Variants in EVL observed in about 807,000 individuals in gnomAD.
EVL encodes Enah/Vasp-like.
In EVL, 21 loss-of-function variants were observed where a neutral mutation model predicts 59.6. The ratio of observed to expected loss-of-function variants is 0.35; its 90% CI spans 0.25 to 0.51. The LOEUF (loss-of-function observed/expected upper bound fraction) is 0.51, where lower values mean the gene tolerates loss of function less well. Ranked by LOEUF, EVL falls within the 20% of genes least tolerant of loss-of-function variation. The pLI, the probability that EVL is intolerant of heterozygous loss-of-function variation, is 0.97. For synonymous variants in EVL, 198 were observed against 203.5 expected (o/e 0.97, Z 0.23); for missense variants, 462 against 546.6 (o/e 0.85, Z 1.54).
chr14:100,143,671 G>T, intron 13 of EVL, 30 bp from the exon 14 acceptor site: 1 of 1,608,868 alleles, frequency 6.2e-7, no homozygotes, highest in Non-Finnish European at 8.5e-7. Context: ...GGTCATGGCT[G>T]CACCTGAGCC....
At chr14:100,057,430 C>T (rs1163289822) in intron 1 of EVL, among the ~76,000 whole-genome samples, 1 of 152,102 alleles carries the variant, frequency 6.6e-6, no homozygotes, top group East Asian at 1.9e-4. Flanking sequence ...TTTCCAGATG[C>T]TGTAACTCTG....
At chr14:100,080,623 C>T (rs1379518561) in intron 1 of EVL, among the ~76,000 whole-genome samples, 1 of 152,198 alleles carries the variant, frequency 6.6e-6, no homozygotes, top group Non-Finnish European at 1.5e-5. Context: ...ATGGGCCCCA[C>T]AAATACATGT....
chr14:100,079,849 G>A (rs1246069128), intron 1 of EVL, among the ~76,000 whole-genome samples: 1 of 152,122 alleles, frequency 6.6e-6, no homozygotes, highest in Non-Finnish European at 1.5e-5. Context: ...GTGACAGCCC[G>A]AGATTGACTT....
intron 4 of EVL, among the ~76,000 whole-genome samples, chr14:100,125,080 CCACA>C (rs1268611521): frequency 7.2e-6 from 1 of 139,740 alleles, no homozygotes; most frequent in Non-Finnish European, 1.5e-5. Context: ...CACGGTGGGA[CCACA>C]CACAGACACA....
chr14:100,123,509 C>A, intron 3 of EVL, 30 bp from the exon 4 acceptor site: 1 of 1,612,664 alleles, frequency 6.2e-7, no homozygotes, highest in South Asian at 1.1e-5. Flanking sequence ...TTCCTCTAAC[C>A]ACACTGTTTC....
At chr14:100,059,231 G>A (rs1566989802) in intron 1 of EVL, among the ~76,000 whole-genome samples, 2 of 152,188 alleles carry the variant, frequency 1.3e-5, no homozygotes, top group South Asian at 4.1e-4. Flanking sequence ...TTCAGACATT[G>A]GACAGATAAG....
chr14:99,974,740 C>T (rs1310476952), intron 1 of EVL: 1 of 152,342 alleles, frequency 6.6e-6, no homozygotes, highest in Non-Finnish European at 1.5e-5. Flanking sequence ...GATGATGACT[C>T]CTTGGATGGT....
At chr14:100,002,037 T>C (rs1227112650) in intron 1 of EVL, among the ~76,000 whole-genome samples, 1 of 152,218 alleles carries the variant, frequency 6.6e-6, no homozygotes, top group Admixed American at 6.5e-5. Flanking sequence ...CATAGGAGTA[T>C]ACCTAGTTTC....
intron 2 of EVL, among the ~76,000 whole-genome samples, chr14:100,094,286 T>C (rs984559549): frequency 6.6e-6 from 1 of 152,150 alleles, no homozygotes; most frequent in Non-Finnish European, 1.5e-5. Context: ...GCCCCTTCAG[T>C]GGTTGTCTGC....
At chr14:100,003,343 A>G (rs2060957786) in intron 1 of EVL, among the ~76,000 whole-genome samples, 1 of 152,226 alleles carries the variant, frequency 6.6e-6, no homozygotes, top group African/African-American at 2.4e-5. Context: ...CCTGTAACTC[A>G]GTGTCACAAG....
chr14:100,009,962 T>C (rs1165166105), intron 1 of EVL, among the ~76,000 whole-genome samples: 1 of 152,190 alleles, frequency 6.6e-6, no homozygotes, highest in Non-Finnish European at 1.5e-5. Context: ...AGATAAAGGA[T>C]TGTGGAGACC....
intron 1 of EVL, among the ~76,000 whole-genome samples, chr14:99,986,762 A>G (rs963087503): frequency 2.0e-5 from 3 of 152,212 alleles, no homozygotes; most frequent in African/African-American, 7.2e-5. Context: ...CTACCCCTAC[A>G]TTTATGAGCA....
chr14:100,125,260 AC>A (rs1887996369), intron 4 of EVL, among the ~76,000 whole-genome samples: 13 of 114,286 alleles, frequency 1.1e-4, no homozygotes, highest in Admixed American at 3.1e-4. Context: ...GAATACACAC[AC>A]ACACACACAC....
Position 100,051,235 on chromosome 14 carries a change from C to G in EVL, c.6-33452C>G, listed in dbSNP as rs373426306. The stretch of plus-strand genomic sequence containing the variant: ...GAAACCTTGCACTGTCCTGCTCCGT[C>G]CTGACTAGACATGAACCATCTGTTT... On this transcript the variant is annotated intron_variant, in intron 1 of 13. Coordinates refer to the EVL transcript ENST00000402714. Among the ~76,000 whole-genome samples the G allele has an allele frequency of 2.5e-4, 38 of 152,274 alleles. No homozygotes were observed. The East Asian group carries it at 3.9e-3, about 15-fold the overall frequency.
intron 2 of EVL, among the ~76,000 whole-genome samples, chr14:100,089,128 T>C (rs367652461): frequency 5.9e-5 from 9 of 152,346 alleles, no homozygotes; most frequent in African/African-American, 1.4e-4. Flanking sequence ...TCCATTCATA[T>C]ATCTTCAAAA....
At chr14:100,003,509 T>C (rs1419557915) in intron 1 of EVL, among the ~76,000 whole-genome samples, 1 of 152,148 alleles carries the variant, frequency 6.6e-6, no homozygotes, top group Non-Finnish European at 1.5e-5. Context: ...CTCTGCTTCC[T>C]GGGTTCAAGC....
intron 1 of EVL, among the ~76,000 whole-genome samples, chr14:100,023,196 C>CTTT (rs879309983): frequency 6.5e-5 from 9 of 138,206 alleles, no homozygotes; most frequent in African/African-American, 2.0e-4. Flanking sequence ...TCCTTTTGCC[C>CTTT]TTTTTTTTTT....
chr14:100,134,692 A>C (rs1888656490), intron 8 of EVL: 1 of 152,254 alleles, frequency 6.6e-6, no homozygotes. Context: ...AGAAGAAAGA[A>C]GGCTTATTTG....
At chr14:100,026,730 A>G (rs1405171328) in intron 1 of EVL, among the ~76,000 whole-genome samples, 3 of 152,212 alleles carry the variant, frequency 2.0e-5, no homozygotes, top group Non-Finnish European at 2.9e-5. Flanking sequence ...GAGGTCAGAG[A>G]GAAGGTCGTC....
Sources: allele counts gnomAD v4.1 joint callset (sites outside exome capture counted in the v4.1 genomes callset), GRCh38; gene constraint gnomAD v4.1.1; transcripts MANE v1.5; gene names NCBI Gene and HGNC (gene_info 2026-07-23, HGNC 2026-07-21).